Variants in WWOX observed in about 807,000 individuals in gnomAD.
WWOX encodes WW domain containing oxidoreductase.
Under a neutral mutation model 46.2 loss-of-function variants are expected in WWOX, and 69 were observed. That is an observed-to-expected ratio of 1.49 (90% CI 1.23 to 1.82). The LOEUF is 1.82. Among genes scored for constraint, WWOX ranks in the 40% most tolerant of loss-of-function variants. The probability of loss-of-function intolerance (pLI) is 0.00; values close to 1 mark genes in which losing one functional copy is unlikely to be tolerated. For synonymous variants in WWOX, 359 were observed against 202.6 expected, an observed-to-expected ratio of 1.77 and a Z score of -6.56; for missense variants, 919 against 542.6, an observed-to-expected ratio of 1.69 and a Z score of -6.89.
intron 8 of WWOX, among the ~76,000 whole-genome samples, chr16:78,844,471 C>T (rs868349039): frequency 6.6e-6 from 1 of 151,982 alleles, no homozygotes; most frequent in Non-Finnish European, 1.5e-5. Context: ...TTCTCTATTA[C>T]CAGTGATAAT....
chr16:78,785,321 C>T (rs191925399), intron 8 of WWOX, among the ~76,000 whole-genome samples: 142 of 152,274 alleles, frequency 9.3e-4, no homozygotes, highest in African/African-American at 3.3e-3. Flanking sequence ...GCTTTGAGCA[C>T]CCTGCTCTGA....
chr16:78,937,696 C>T (rs572534178), intron 8 of WWOX, among the ~76,000 whole-genome samples: 3 of 151,866 alleles, frequency 2.0e-5, no homozygotes, highest in Admixed American at 1.3e-4. Flanking sequence ...ATGACCTCGG[C>T]TTACTGCAAC....
chr16:78,757,016 G>T (rs1042949708), intron 8 of WWOX: 2 of 700,758 alleles, frequency 2.9e-6, no homozygotes, highest in Non-Finnish European at 5.2e-6. Context: ...CAACAGCCAT[G>T]TGAGTGAACC....
intron 8 of WWOX, among the ~76,000 whole-genome samples, chr16:78,774,474 G>A (rs1184295587): frequency 6.6e-6 from 1 of 151,442 alleles, no homozygotes; most frequent in Non-Finnish European, 1.5e-5. Flanking sequence ...ATTTTTTCGG[G>A]CAGTTTCTTG....
chr16:78,466,969 G>A (rs956637570), intron 8 of WWOX, among the ~76,000 whole-genome samples: 7 of 152,070 alleles, frequency 4.6e-5, no homozygotes, highest in African/African-American at 1.5e-4. Context: ...ATCTTAGAGA[G>A]GGACACCGAT....
At chr16:78,976,226 C>T (rs1216010088) in intron 8 of WWOX, among the ~76,000 whole-genome samples, 1 of 152,088 alleles carries the variant, frequency 6.6e-6, no homozygotes, top group Admixed American at 6.5e-5. Context: ...AGTTTTTTTC[C>T]TTGCAAATCT....
At chr16:78,508,291 G>A (rs866673086) in intron 8 of WWOX, among the ~76,000 whole-genome samples, 8 of 144,932 alleles carry the variant, frequency 5.5e-5, no homozygotes, top group South Asian at 4.4e-4. Context: ...GATTATAGGC[G>A]TGAGCCACTG....
At chr16:78,748,113 C>CT (rs2049392859) in intron 8 of WWOX, among the ~76,000 whole-genome samples, 1 of 152,104 alleles carries the variant, frequency 6.6e-6, no homozygotes, top group Non-Finnish European at 1.5e-5. Context: ...CCAGACCGGA[C>CT]CCTCCACTCC....
chr16:79,005,496 G>A (rs1362740848), intron 8 of WWOX, among the ~76,000 whole-genome samples: 2 of 152,178 alleles, frequency 1.3e-5, no homozygotes, highest in Non-Finnish European at 2.9e-5. Context: ...GTTTCGGCAA[G>A]GCCATCCTCT....
intron 8 of WWOX, among the ~76,000 whole-genome samples, chr16:78,589,204 C>G (rs887245027): frequency 6.6e-6 from 1 of 152,130 alleles, no homozygotes; most frequent in South Asian, 2.1e-4. Context: ...TTTAGAGTTT[C>G]TTATTGCGGT....
At chr16:78,102,208 G>T (rs1225154317) in intron 1 of WWOX, among the ~76,000 whole-genome samples, 1 of 152,176 alleles carries the variant, frequency 6.6e-6, no homozygotes, top group African/African-American at 2.4e-5. Flanking sequence ...ACTGTGCCAA[G>T]CCCAGAGCGG....
intron 5 of WWOX, among the ~76,000 whole-genome samples, chr16:78,268,190 G>T (rs2079407502): frequency 6.6e-6 from 1 of 151,992 alleles, no homozygotes. Context: ...CTTCACAAAG[G>T]CTCCATTTGA....
At chr16:79,186,266 C>T (rs530050757) in intron 8 of WWOX, among the ~76,000 whole-genome samples, 62 of 152,308 alleles carry the variant, frequency 4.1e-4, no homozygotes, top group Non-Finnish European at 7.5e-4. Context: ...TAGAGGGCTT[C>T]AAACAACAGG....
chr16:78,994,697 G>T (rs2046952854), intron 8 of WWOX, among the ~76,000 whole-genome samples: 1 of 152,058 alleles, frequency 6.6e-6, no homozygotes, highest in Non-Finnish European at 1.5e-5. Flanking sequence ...GTGGGGGGTG[G>T]AATCAAAAGG....
chr16:78,155,198 G>C, intron 4 of WWOX, among the ~76,000 whole-genome samples: 1 of 151,552 alleles, frequency 6.6e-6, no homozygotes, highest in Non-Finnish European at 1.5e-5. Context: ...GAGAGAGAAA[G>C]AAGGAGCAAA....
chr16:78,324,258 C>T (rs145238323), intron 5 of WWOX, among the ~76,000 whole-genome samples: 1 of 152,168 alleles, frequency 6.6e-6, no homozygotes, highest in East Asian at 1.9e-4. Context: ...GCTCAACTCA[C>T]AGTTGAAATG....
intron 8 of WWOX, among the ~76,000 whole-genome samples, chr16:78,464,181 G>A (rs930136551): frequency 6.6e-6 from 1 of 152,092 alleles, no homozygotes; most frequent in African/African-American, 2.4e-5. Context: ...GTGGACAAGG[G>A]ACTCTGTGGG....
At chr16:78,712,656 A>C (rs1426418467) in intron 8 of WWOX, among the ~76,000 whole-genome samples, 1 of 152,056 alleles carries the variant, frequency 6.6e-6, no homozygotes, top group East Asian at 2.0e-4. Context: ...GGAGTAGCTA[A>C]TAGATAGTAT....
intron 6 of WWOX, among the ~76,000 whole-genome samples, chr16:78,422,735 A>G (rs866226990): frequency 5.2e-5 from 5 of 96,290 alleles, no homozygotes; most frequent in African/African-American, 4.2e-4. Flanking sequence ...ATATATACAC[A>G]CACATATATA....
Sources: allele counts gnomAD v4.1 joint callset (sites outside exome capture counted in the v4.1 genomes callset), GRCh38; gene constraint gnomAD v4.1.1; transcripts MANE v1.5; gene names NCBI Gene and HGNC (gene_info 2026-07-23, HGNC 2026-07-21).